NFIL3: variants seen among roughly 807,000 people sequenced by gnomAD.
NFIL3 encodes the protein nuclear factor, interleukin 3 regulated.
In NFIL3, 5 loss-of-function variants were observed where a neutral mutation model predicts 10.0. The observed-to-expected ratio is 0.50, with a 90% confidence interval of 0.26 to 1.06. The LOEUF is 1.06. Among genes scored for constraint, NFIL3 ranks in the 50% least tolerant of loss-of-function variants. The probability of loss-of-function intolerance (pLI) is 0.13; values close to 1 mark genes in which losing one functional copy is unlikely to be tolerated. For synonymous variants in NFIL3, 202 were observed against 206.5 expected, an observed-to-expected ratio of 0.98 and a Z score of 0.19; for missense variants, 436 against 547.6, an observed-to-expected ratio of 0.80 and a Z score of 2.03.
the NFIL3 span, among the ~76,000 whole-genome samples, chr9:91,479,230 T>C: frequency 2.0e-5 from 3 of 152,214 alleles, no homozygotes; most frequent in Non-Finnish European, 2.9e-5. Flanking sequence ...TTAAGTCTGC[T>C]GAAGCTGTGC....
chr9:91,427,733 C>CA (rs1353622847), upstream of NFIL3, among the ~76,000 whole-genome samples: 1 of 152,090 alleles, frequency 6.6e-6, no homozygotes, highest in African/African-American at 2.4e-5. Flanking sequence ...TTGACCCCCC[C>CA]AGGCTCAAGC....
At chr9:91,471,074 T>C in the NFIL3 span, among the ~76,000 whole-genome samples, 1 of 152,154 alleles carries the variant, frequency 6.6e-6, no homozygotes, top group African/African-American at 2.4e-5. Flanking sequence ...CTGGATATCC[T>C]TGTTAGCCTT....
chr9:91,480,089 T>C, the NFIL3 span, among the ~76,000 whole-genome samples: 1 of 151,004 alleles, frequency 6.6e-6, no homozygotes, highest in Non-Finnish European at 1.5e-5. Context: ...ACTGGAGCTG[T>C]TCCTATTTGG....
At chr9:91,479,813 G>T in the NFIL3 span, among the ~76,000 whole-genome samples, 1 of 152,224 alleles carries the variant, frequency 6.6e-6, no homozygotes, top group Non-Finnish European at 1.5e-5. Context: ...CTGGTCTGCG[G>T]GTTGCAAAGA....
the NFIL3 span, among the ~76,000 whole-genome samples, chr9:91,469,161 G>A: frequency 6.6e-6 from 1 of 152,120 alleles, no homozygotes; most frequent in South Asian, 2.1e-4. Flanking sequence ...CTTCCTATCT[G>A]TGAGCATGGA....
At chr9:91,445,790 C>A in the NFIL3 span, among the ~76,000 whole-genome samples, 5 of 152,242 alleles carry the variant, frequency 3.3e-5, no homozygotes, top group Middle Eastern at 6.8e-3. Flanking sequence ...TTAGCTCAGA[C>A]CCTGAGGGCA....
At chr9:91,429,114 A>C in the NFIL3 span, among the ~76,000 whole-genome samples, 1 of 152,272 alleles carries the variant, frequency 6.6e-6, no homozygotes, top group Non-Finnish European at 1.5e-5. Flanking sequence ...GAATAAGACA[A>C]GACAGGTCCA....
At chr9:91,424,134 C>G (rs1833833583), upstream of NFIL3, among the ~76,000 whole-genome samples, 1 of 151,962 alleles carries the variant, frequency 6.6e-6, no homozygotes. Context: ...ACGGCCCACG[C>G]GGCCGACACG....
chr9:91,428,175 C>T (rs1833889713), upstream of NFIL3, among the ~76,000 whole-genome samples: 1 of 152,236 alleles, frequency 6.6e-6, no homozygotes, highest in Non-Finnish European at 1.5e-5. Context: ...CTGTCTTCCT[C>T]TTCCGCTTTG....
At chr9:91,462,312 T>A in the NFIL3 span, among the ~76,000 whole-genome samples, 1 of 152,172 alleles carries the variant, frequency 6.6e-6, no homozygotes, top group South Asian at 2.1e-4. Context: ...ATCTGTGTTA[T>A]CCTATTAAGT....
chr9:91,446,232 T>C, the NFIL3 span, among the ~76,000 whole-genome samples: 4,660 of 152,286 alleles, frequency 0.031, 104 homozygotes, highest in East Asian at 0.11. Context: ...AAGTCTCTCC[T>C]GGTTATGAGC....
intron 1 of NFIL3, among the ~76,000 whole-genome samples, chr9:91,417,338 C>A (rs1364273952): frequency 6.6e-6 from 1 of 152,044 alleles, no homozygotes; most frequent in Non-Finnish European, 1.5e-5. Context: ...AACTGTAAGC[C>A]ACCTCTCCAG....
the NFIL3 span, among the ~76,000 whole-genome samples, chr9:91,469,141 G>T: frequency 1.3e-5 from 2 of 152,152 alleles, no homozygotes; most frequent in African/African-American, 4.8e-5. Flanking sequence ...CCATTTTCAC[G>T]ATATTGAGTC....
the NFIL3 span, among the ~76,000 whole-genome samples, chr9:91,442,503 T>C: frequency 6.6e-6 from 1 of 152,154 alleles, no homozygotes; most frequent in Non-Finnish European, 1.5e-5. Context: ...CAGCTTATGC[T>C]ACCAGCCTGT....
chr9:91,435,317 C>G, the NFIL3 span, among the ~76,000 whole-genome samples: 2 of 152,208 alleles, frequency 1.3e-5, no homozygotes, highest in Non-Finnish European at 2.9e-5. Flanking sequence ...ACTCCAACAT[C>G]TCTATGACCT....
the NFIL3 span, among the ~76,000 whole-genome samples, chr9:91,475,427 A>G: frequency 6.6e-6 from 1 of 152,220 alleles, no homozygotes; most frequent in Non-Finnish European, 1.5e-5. Flanking sequence ...TCTTGGGCTA[A>G]CATGACAGTC....
chr9:91,424,615 C>T (rs1833848423), upstream of NFIL3, among the ~76,000 whole-genome samples: 1 of 152,214 alleles, frequency 6.6e-6, no homozygotes, highest in Non-Finnish European at 1.5e-5. Context: ...AAACACCGCC[C>T]CCTGCACAAT....
At chr9:91,461,506 T>A in the NFIL3 span, among the ~76,000 whole-genome samples, 2 of 152,172 alleles carry the variant, frequency 1.3e-5, no homozygotes, top group Non-Finnish European at 2.9e-5. Flanking sequence ...CACTCCTAGA[T>A]CTGGAGGTCA....
At chr9:91,474,080 G>A in the NFIL3 span, among the ~76,000 whole-genome samples, 7 of 134,196 alleles carry the variant, frequency 5.2e-5, no homozygotes, top group Non-Finnish European at 1.0e-4. Context: ...TAGTTGTAGG[G>A]TTTTTGTTTT....
Sources: gnomAD v4.1 joint callset for allele counts (sites outside exome capture counted in the v4.1 genomes callset) on GRCh38, gnomAD v4.1.1 for gene constraint, MANE v1.5 for transcripts, NCBI Gene and HGNC (gene_info 2026-07-23, HGNC 2026-07-21) for gene names.